The following RGPD3 variants were observed in gnomAD, a reference collection of about 807,000 sequenced individuals.
RGPD3 encodes RANBP2 like and GRIP domain containing 3.
RGPD3 carries 62 observed loss-of-function variants against 154.5 expected under a neutral mutation model. That is an observed-to-expected ratio of 0.40 (90% CI 0.33 to 0.50). The LOEUF is 0.50. Among genes scored for constraint, RGPD3 ranks in the 20% least tolerant of loss-of-function variants. The pLI is 0.59. For missense variants in RGPD3, 919 were observed against 1,716.8 expected (o/e 0.54, Z 8.21); for synonymous variants, 308 against 607.0 (o/e 0.51, Z 7.24).
chr2:106,466,336 C>A (rs1369515477), intron 1 of RGPD3, among the ~76,000 whole-genome samples: 1 of 150,818 alleles, frequency 6.6e-6, no homozygotes, highest in Non-Finnish European at 1.5e-5. Context: ...CCGTCAGGAG[C>A]CATGACGCCT....
intron 6 of RGPD3, among the ~76,000 whole-genome samples, chr2:106,451,108 GAA>G (rs1678111175): frequency 1.4e-5 from 2 of 138,450 alleles, no homozygotes; most frequent in African/African-American, 5.8e-5. Context: ...AAACAAAAAA[GAA>G]AGAAAGAAAG....
At chr2:106,434,123 C>T (rs1368341929) in intron 15 of RGPD3, 105 bp downstream of exon 15, 4 of 1,590,366 alleles carry the variant, frequency 2.5e-6, no homozygotes, top group South Asian at 1.1e-5. Context: ...TTAATAACAA[C>T]ATATTACTGA....
chr2:106,413,073 C>A lies in RGPD3; in HGVS notation c.5266+11G>T, dbSNP rs1336808905. ...AGAAGTCAGAAGTTCTGAGACTCTCCTTTTACCCACCTTGAGCAACCGCAG... is the reference window on the plus strand; with the variant it reads ...AGAAGTCAGAAGTTCTGAGACTCTCATTTTACCCACCTTGAGCAACCGCAG... On this transcript the variant is annotated intron_variant, in intron 22 of 22. Coordinates refer to ENST00000409886, the MANE Select transcript of RGPD3 (RefSeq NM_001144013.2). 4 of 1,610,054 alleles carry A rather than the reference C, an allele frequency of 2.5e-6. No homozygotes were observed. In the South Asian group the frequency reaches 4.4e-5, roughly 18 times the overall value.
At chr2:106,412,293 GTTTTTTTTTTTTTTTTTTTTTTT>G in intron 22 of RGPD3, among the ~76,000 whole-genome samples, 1 of 45,028 alleles carries the variant, frequency 2.2e-5, no homozygotes, top group East Asian at 1.6e-3. Flanking sequence ...CTACATCATA[GTTTTTTTTTTTTTTTTTTTTTTT>G]TTTTTTTTTT....
intron 22 of RGPD3, among the ~76,000 whole-genome samples, chr2:106,411,843 A>C (rs999452950): frequency 1.3e-5 from 2 of 152,146 alleles, no homozygotes; most frequent in African/African-American, 4.8e-5. Flanking sequence ...CAACAACAAA[A>C]TAAAGCTTAA....
rs1344734127 is a variant in RGPD3, at chr2:106,447,436, G to A, written c.960C>T (p.Cys320=). The change falls in exon 7 of 23, where the codon TGC becomes TGT. Residue 320 remains cysteine (C), a synonymous_variant. Transcript: ENST00000409886. ...WRALSELAAL[C]YLIAFQVPRP... The stretch of plus-strand genomic sequence containing the variant: ...GACTTACCTGAAATGCTATGAGATA[G>A]CACAATGCAGCCAGCTCAGAAAGAG... 1 of 175,244 alleles carries A rather than the reference G, an allele frequency of 5.7e-6. No individual in the cohort carries two copies. Among genetic ancestry groups the A allele is most frequent in the Non-Finnish European group, 9.5e-6 (1 of 105,020 alleles). 10.9% of individuals were successfully genotyped at this position (175,244 alleles called of 1,614,324 possible).
intron 6 of RGPD3, among the ~76,000 whole-genome samples, chr2:106,449,914 G>A (rs1678059164): frequency 6.6e-6 from 1 of 151,848 alleles, no homozygotes; most frequent in South Asian, 2.1e-4. Flanking sequence ...CTACTCGGGA[G>A]GCTGAGGCAG....
chr2:106,406,290 T>C (rs1676513207), intron 22 of RGPD3, among the ~76,000 whole-genome samples: 1 of 150,038 alleles, frequency 6.7e-6, no homozygotes, highest in South Asian at 2.1e-4. Flanking sequence ...GCCTGGCACA[T>C]TTTCACCTCC....
intron 11 of RGPD3, 36 bp downstream of exon 11, chr2:106,436,378 A>C (rs1334273656): frequency 6.2e-7 from 1 of 1,608,044 alleles, no homozygotes; most frequent in Admixed American, 1.7e-5. Context: ...AAACCTACGC[A>C]CTAAGTGAAA....
intron 21 of RGPD3, among the ~76,000 whole-genome samples, chr2:106,414,667 C>A (rs1676769376): frequency 1.3e-5 from 2 of 150,530 alleles, no homozygotes; most frequent in South Asian, 4.3e-4. Flanking sequence ...TTTAGGTTTA[C>A]TGGGCTAGTT....
Position 106,425,162 on chromosome 2 carries a change from C to G in RGPD3, c.2805G>C (p.Lys935Asn), listed in dbSNP as rs565711610. Residue 935 changes from lysine to asparagine, a missense_variant, in exon 20 of 23, where the codon AAG (lysine) becomes AAC (asparagine). Transcript: ENST00000409886. ...CATTTTCAAGAGGCTTTTCACTTTT[C>G]TTTTCTTGATTTCCTGGTTCCGAAA... is the stretch of plus-strand genomic sequence containing the variant. ...FGISEPGNQEKKSEKPLENDT... is the reference protein window; with the variant it reads ...FGISEPGNQENKSEKPLENDT... 2 of 1,611,872 alleles carry G rather than the reference C, an allele frequency of 1.2e-6. No individual in the cohort carries two copies. Among genetic ancestry groups the G allele is most frequent in the South Asian group, 2.2e-5 (2 of 90,984 alleles).
chr2:106,466,289 GGC>G (rs1678585119), intron 1 of RGPD3, among the ~76,000 whole-genome samples: 1 of 144,732 alleles, frequency 6.9e-6, no homozygotes, highest in African/African-American at 2.4e-5. Flanking sequence ...TGCGCCAGCC[GGC>G]GGGCGCCGCA....
intron 1 of RGPD3, among the ~76,000 whole-genome samples, chr2:106,464,973 G>A (rs1453080724): frequency 2.7e-5 from 4 of 149,852 alleles, no homozygotes; most frequent in Admixed American, 6.7e-5. Flanking sequence ...GATTACAGAC[G>A]AAGAATATTT....
intron 1 of RGPD3, 146 bp downstream of exon 1, chr2:106,468,071 G>C (rs1678693387): frequency 9.4e-7 from 1 of 1,065,450 alleles, no homozygotes; most frequent in South Asian, 1.8e-5. Flanking sequence ...GCAGGGCCAG[G>C]TCGAGGCCGC....
chr2:106,464,602 T>A (rs573621070), intron 1 of RGPD3, among the ~76,000 whole-genome samples: 70 of 151,572 alleles, frequency 4.6e-4, no homozygotes, highest in Middle Eastern at 3.4e-3. Context: ...ATAAGAGCTG[T>A]CAAGTAGACT....
chr2:106,465,941 G>A (rs911031051), intron 1 of RGPD3, among the ~76,000 whole-genome samples: 65 of 152,044 alleles, frequency 4.3e-4, no homozygotes, highest in Admixed American at 6.5e-4. Flanking sequence ...ACTCGACGCA[G>A]CCGCCAAAGC....
In RGPD3 at chr2:106,424,825, C is replaced by G. The variant is rs1677139387; in HGVS notation, c.3142G>C (p.Val1048Leu). ...FEPVVQMPEK[V>L]ELVTGEEGEK... ...CCTTCTTCTCCTGTTACAAGTTCTA[C>G]TTTTTCAGGCATTTGAACTACTGGT... Residue 1048 changes from valine (V) to leucine (L), a missense_variant, in exon 20 of 23, where the codon GTA becomes CTA. Physicochemically the swap from Val to Leu is conservative, Grantham distance 32. Transcript: ENST00000409886. 2 of 1,611,574 alleles carry G rather than the reference C, an allele frequency of 1.2e-6. No individual in the cohort carries two copies. Among genetic ancestry groups the G allele is most frequent in the Admixed American group, 1.7e-5 (1 of 59,944 alleles).
chr2:106,467,614 G>A (rs1460603036), intron 1 of RGPD3, among the ~76,000 whole-genome samples: 4 of 143,768 alleles, frequency 2.8e-5, no homozygotes, highest in South Asian at 2.2e-4. Flanking sequence ...GGCAGCCGCC[G>A]GGCCGGGTCG....
rs185187441 is a variant in RGPD3 at position 106,468,334 on chromosome 2, C to T, written c.-46G>A. ...CGAGATGCGTGAGACCAGCGCTCAG[C>T]CCCGCAGCAGTCGCCAATTCCAAGA... is the stretch of plus-strand genomic sequence containing the variant. On this transcript the variant is annotated 5_prime_UTR_variant, in exon 1 of 23. Transcript: ENST00000409886. 7.3e-3 allele frequency: 11,443 copies of T among 1,573,346 alleles called. 649 individuals are homozygous for T. The Admixed American group carries it at 0.11, about 16-fold the overall frequency.
Sources: allele counts gnomAD v4.1 joint callset (sites outside exome capture counted in the v4.1 genomes callset), GRCh38; gene constraint gnomAD v4.1.1; transcripts MANE v1.5; gene names NCBI Gene and HGNC (gene_info 2026-07-23, HGNC 2026-07-21).